Variants in CTIF observed in about 807,000 individuals in gnomAD.
The protein encoded by CTIF is cap binding complex dependent translation initiation factor, also known as CBP80/20-dependent translation initiation factor.
In CTIF, 21 loss-of-function variants were observed where a neutral mutation model predicts 66.0. That is an observed-to-expected ratio of 0.32 (90% CI 0.23 to 0.46). CTIF has a LOEUF of 0.46. CTIF is among the 20% of genes least tolerant of loss of function. CTIF has a pLI of 1.00. For synonymous variants in CTIF, 345 were observed against 326.4 expected, an observed-to-expected ratio of 1.06 and a Z score of -0.62; for missense variants, 739 against 812.7, an observed-to-expected ratio of 0.91 and a Z score of 1.10.
rs2091051724 is a variant in CTIF at position 48,647,040 on chromosome 18, C to T, written c.252+10355C>T. 1.3e-5 allele frequency among the ~76,000 whole-genome samples: 2 copies of T among 152,100 alleles called. 1 individual carries two copies. The highest frequency in any genetic ancestry group is 4.1e-4 in the South Asian group (2 of 4,826). On this transcript the variant is annotated intron_variant, in intron 3 of 11. Coordinates refer to ENST00000256413, the MANE Select transcript of CTIF (RefSeq NM_014772.3). ...ACTTGTACTCAACTGTTTGTAGCAGCTTTGTTCACAATACACAGAAACCTG... is the reference window on the plus strand; with the variant it reads ...ACTTGTACTCAACTGTTTGTAGCAGTTTTGTTCACAATACACAGAAACCTG...
At chr18:48,661,498 G>A (rs11082693) in intron 3 of CTIF, among the ~76,000 whole-genome samples, 6,306 of 152,062 alleles carry the variant, frequency 0.041, 175 homozygotes, top group South Asian at 0.12. Context: ...TCAACATCTC[G>A]GGAGGCAGGG....
intron 6 of CTIF, among the ~76,000 whole-genome samples, chr18:48,687,819 C>T (rs1231158958): frequency 6.6e-6 from 1 of 152,232 alleles, no homozygotes; most frequent in African/African-American, 2.4e-5. Context: ...GCACCTCTGT[C>T]TCTGCAGCCG....
At chr18:48,602,402 A>T (rs769870048) in intron 1 of CTIF, among the ~76,000 whole-genome samples, 16 of 152,258 alleles carry the variant, frequency 1.1e-4, no homozygotes, top group Non-Finnish European at 2.1e-4. Flanking sequence ...GAGATGAAAC[A>T]GTCTCAGAGC....
Position 48,788,129 on chromosome 18 carries a change from C to T in CTIF, c.1371+26440C>T, listed in dbSNP as rs140277933. On this transcript the variant is annotated intron_variant, in intron 9 of 11. Transcript: ENST00000256413. ...ATCCCCATGGGGACAATTGGATGGC[C>T]GACCCTCTCTAGCCTTTAGGCTGGG... 5.9e-5 allele frequency among the ~76,000 whole-genome samples: 9 copies of T among 152,240 alleles called. 1 individual carries two copies. In the South Asian group the frequency reaches 6.2e-4, roughly 11 times the overall value.
At chr18:48,568,420 A>G (rs1567656) in intron 1 of CTIF, 97,524 of 151,548 alleles carry the variant, frequency 0.64, 32,428 homozygotes, top group East Asian at 0.93. Context: ...TCACTTAGCT[A>G]GTTGGTGAGA....
intron 1 of CTIF, among the ~76,000 whole-genome samples, chr18:48,577,683 T>C (rs58916878): frequency 0.077 from 11,754 of 152,182 alleles, 583 homozygotes; most frequent in African/African-American, 0.14. Flanking sequence ...AGCAATCCTC[T>C]TGCCTCAGCC....
At chr18:48,611,688 G>A (rs112983548) in intron 1 of CTIF, among the ~76,000 whole-genome samples, 11 of 152,286 alleles carry the variant, frequency 7.2e-5, no homozygotes, top group African/African-American at 1.9e-4. Flanking sequence ...TGTGATTGTC[G>A]TACTCATTAA....
chr18:48,706,791 G>A (rs1420660452), intron 6 of CTIF, among the ~76,000 whole-genome samples: 2 of 152,198 alleles, frequency 1.3e-5, no homozygotes, highest in African/African-American at 4.8e-5. Context: ...GCACGTGTGT[G>A]TTCCACGTGT....
intron 6 of CTIF, among the ~76,000 whole-genome samples, chr18:48,686,409 A>G (rs1026709012): frequency 6.6e-6 from 1 of 152,272 alleles, no homozygotes; most frequent in East Asian, 1.9e-4. Flanking sequence ...TTCTGGGCTT[A>G]TCTGGTATTT....
At chr18:48,593,092 G>A (rs1437242401) in intron 1 of CTIF, among the ~76,000 whole-genome samples, 1 of 152,148 alleles carries the variant, frequency 6.6e-6, no homozygotes, top group Admixed American at 6.5e-5. Context: ...ATCATCAGGG[G>A]GCTCTGTATC....
chr18:48,711,117 A>C (rs919534092), intron 6 of CTIF, among the ~76,000 whole-genome samples: 2 of 152,210 alleles, frequency 1.3e-5, no homozygotes, highest in Non-Finnish European at 2.9e-5. Flanking sequence ...TTAGGAGACA[A>C]ATTTCCTCTT....
intron 1 of CTIF, among the ~76,000 whole-genome samples, chr18:48,599,570 C>T (rs2090052561): frequency 6.6e-6 from 1 of 152,158 alleles, no homozygotes; most frequent in South Asian, 2.1e-4. Context: ...CGGGTTATTA[C>T]AGCCCTTCGT....
At chr18:48,552,233 G>A (rs1021864541) in intron 1 of CTIF, among the ~76,000 whole-genome samples, 3 of 152,136 alleles carry the variant, frequency 2.0e-5, no homozygotes, top group Admixed American at 6.5e-5. Flanking sequence ...TTCTTCCAAC[G>A]GGGACATTTA....
At chr18:48,851,468 C>T (rs1033971566) in intron 10 of CTIF, among the ~76,000 whole-genome samples, 1 of 152,200 alleles carries the variant, frequency 6.6e-6, no homozygotes, top group Non-Finnish European at 1.5e-5. Context: ...GTCAGCGTCT[C>T]CCTCTCTCCT....
At position 48,859,513 on chromosome 18, in the gene CTIF, C is replaced by G; in HGVS notation, c.1751C>G (p.Pro584Arg). ...AACAGCTGGAACCCTCTGACGCCCC[C>G]CATCACGCAGTACTACAACAGAACC... Reference protein sequence around the residue: ...HANSWNPLTPPITQYYNRTIQ... With the variant: ...HANSWNPLTPRITQYYNRTIQ... Residue 584 changes from proline (P) to arginine (R), a missense_variant, in exon 12 of 12, where the codon CCC becomes CGC. By Grantham distance (103) the Pro-to-Arg change is moderately radical. Transcript: ENST00000256413. 1.2e-6 allele frequency: 2 copies of G among 1,614,212 alleles called. No homozygotes were observed. Among genetic ancestry groups the G allele is most frequent in the East Asian group, 2.2e-5 (1 of 44,888 alleles).
intron 9 of CTIF, among the ~76,000 whole-genome samples, chr18:48,784,801 T>G (rs1382849492): frequency 6.6e-6 from 1 of 152,070 alleles, no homozygotes; most frequent in African/African-American, 2.4e-5. Flanking sequence ...TTAACATGCA[T>G]CAGCACCACA....
chr18:48,844,493 G>A (rs563658433), intron 10 of CTIF, among the ~76,000 whole-genome samples: 1 of 152,230 alleles, frequency 6.6e-6, no homozygotes, highest in Non-Finnish European at 1.5e-5. Context: ...ATCCACTGTC[G>A]CTACTTTGTA....
At chr18:48,558,290 G>A (rs970168522) in intron 1 of CTIF, among the ~76,000 whole-genome samples, 3 of 152,214 alleles carry the variant, frequency 2.0e-5, no homozygotes, top group Non-Finnish European at 2.9e-5. Flanking sequence ...ACAAGTGAAG[G>A]GAGTATTCAG....
intron 5 of CTIF, among the ~76,000 whole-genome samples, chr18:48,669,277 T>C (rs2091485007): frequency 6.6e-6 from 1 of 152,096 alleles, no homozygotes; most frequent in African/African-American, 2.4e-5. Context: ...AAAGGTGAGA[T>C]TCGTATGAAC....
Sources: allele counts gnomAD v4.1 joint callset (sites outside exome capture counted in the v4.1 genomes callset), GRCh38; gene constraint gnomAD v4.1.1; transcripts MANE v1.5; gene names NCBI Gene and HGNC (gene_info 2026-07-23, HGNC 2026-07-21).